PWWP3B: variants seen among roughly 807,000 people sequenced by gnomAD.
The protein encoded by PWWP3B is PWWP domain containing 3B.
In PWWP3B, 5 loss-of-function variants were observed where a neutral mutation model predicts 15.7. That is an observed-to-expected ratio of 0.32 (90% CI 0.17 to 0.67). The LOEUF is 0.67. Among genes scored for constraint, PWWP3B ranks in the 30% least tolerant of loss-of-function variants. The pLI is 0.74. For missense variants in PWWP3B, 519 were observed against 493.1 expected (o/e 1.05, Z -0.50); for synonymous variants, 203 against 179.8 (o/e 1.13, Z -1.03).
At chrX:106,190,185 C>A (rs1922831049) in intron 2 of PWWP3B, among the ~76,000 whole-genome samples, 1 of 111,546 alleles carries the variant, frequency 9.0e-6, no homozygotes. Context: ...TCCTATTTCT[C>A]CACATCCTCT....
At chrX:106,183,325 A>G (rs1922318483) in intron 2 of PWWP3B, among the ~76,000 whole-genome samples, 1 of 111,763 alleles carries the variant, frequency 8.9e-6, no homozygotes, top group Non-Finnish European at 1.9e-5. Flanking sequence ...TTAAATGTCT[A>G]ACAATATCCT....
chrX:106,194,246 A>T, intron 2 of PWWP3B, among the ~76,000 whole-genome samples: 1 of 110,489 alleles, frequency 9.1e-6, no homozygotes, highest in Non-Finnish European at 1.9e-5. Context: ...ATTTCTTTTC[A>T]TTCTTTTTTC....
rs1924120776 is a variant in PWWP3B at position 106,207,597 on chromosome X, T to C, written c.*74T>C. 1.0e-6 allele frequency: 1 copy of C among 993,562 alleles called. No individual in the cohort carries two copies. The highest frequency in any genetic ancestry group is 1.9e-5 in the African/African-American group (1 of 51,905). 81.9% of individuals were successfully genotyped at this position (993,562 alleles called of 1,213,427 possible). A position where few individuals can be genotyped will look rare whatever the true frequency, so the allele number is the denominator to read the frequency against. ...TGAAAAAAGTCTCTGAACAATTCTC[T>C]CTAATACATATTTTCTGCAAATGGG... is the stretch of plus-strand genomic sequence containing the variant. On this transcript the variant is annotated 3_prime_UTR_variant, in exon 4 of 4. Coordinates refer to ENST00000357175, the MANE Select transcript of PWWP3B (RefSeq NM_001171020.2).
rs556571750 is a variant in PWWP3B at position 106,173,656 on chromosome X, G to C, written c.-401+2517G>C. 5.9e-4 allele frequency among the ~76,000 whole-genome samples: 66 copies of C among 112,052 alleles called. 1 individual carries two copies. The South Asian group carries it at 0.024, about 41-fold the overall frequency. ...AGACGAGAACCATTTACTATCCCCA[G>C]ATAAATAGAATGAGGCTTCTTAAAA... On this transcript the variant is annotated intron_variant, in intron 2 of 3. Coordinates refer to ENST00000357175, the MANE Select transcript of PWWP3B (RefSeq NM_001171020.2).
At chrX:106,186,789 C>G (rs953084493) in intron 2 of PWWP3B, among the ~76,000 whole-genome samples, 19 of 111,261 alleles carry the variant, frequency 1.7e-4, no homozygotes, top group African/African-American at 6.2e-4. Context: ...AGCTTTTATT[C>G]CCTTATTTGT....
At chrX:106,193,724 C>A (rs928407427) in intron 2 of PWWP3B, among the ~76,000 whole-genome samples, 2 of 111,706 alleles carry the variant, frequency 1.8e-5, no homozygotes, top group Non-Finnish European at 3.8e-5. Context: ...AGCTCTTTTA[C>A]GGCAGGCCTG....
At position 106,207,557 on chromosome X, in the gene PWWP3B, C is replaced by T. The variant is rs1251464771; in HGVS notation, c.*34C>T. 3.7e-6 allele frequency: 4 copies of T among 1,092,735 alleles called. No individual in the cohort carries two copies. The African/African-American group carries it at 7.5e-5, about 21-fold the overall frequency. The allele number at this position is 1,092,735 out of a possible 1,213,427, so 90.1% of individuals were successfully genotyped here. A position where few individuals can be genotyped will look rare whatever the true frequency, so the allele number is the denominator to read the frequency against. ...AAAGTTGAAACCATGACAGGGAGCT[C>T]TCATAGATACTAGTTGAAAAAAGTC... is the stretch of plus-strand genomic sequence containing the variant. On this transcript the variant is annotated 3_prime_UTR_variant, in exon 4 of 4. Transcript: ENST00000357175.
Position 106,207,508 on chromosome X carries a change from A to C in PWWP3B, c.2076A>C (p.Thr692=), listed in dbSNP as rs1924115125. The part of the protein sequence containing the change: ...IIYEKRRKAP[T]NEAH ...ATGAAAAGAGACGAAAAGCACCAAC[A>C]AATGAAGCTCACTAAATGTGCTGAA... is the stretch of plus-strand genomic sequence containing the variant. Residue 692 remains threonine, a synonymous_variant, in exon 4 of 4, where the codon ACA becomes ACC. Coordinates refer to ENST00000357175, the MANE Select transcript of PWWP3B (RefSeq NM_001171020.2). 1 of 1,141,584 alleles carries C rather than the reference A, an allele frequency of 8.8e-7. No individual in the cohort carries two copies. Among genetic ancestry groups the C allele is most frequent in the South Asian group, 2.1e-5 (1 of 47,962 alleles). The allele number at this position is 1,141,584 out of a possible 1,213,427, so 94.1% of individuals were successfully genotyped here. A position where few individuals can be genotyped will look rare whatever the true frequency, so the allele number is the denominator to read the frequency against.
At chrX:106,180,120 A>G (rs1376439658) in intron 2 of PWWP3B, among the ~76,000 whole-genome samples, 2 of 111,509 alleles carry the variant, frequency 1.8e-5, no homozygotes, top group Non-Finnish European at 3.8e-5. Flanking sequence ...TTGGGTATAC[A>G]GGGCAGCACC....
chrX:106,206,042 G>T lies in PWWP3B; in HGVS notation c.610G>T (p.Asp204Tyr). 8.3e-7 allele frequency: 1 copy of T among 1,209,332 alleles called. No individual in the cohort carries two copies. Residue 204 changes from aspartate to tyrosine, a missense_variant, in exon 4 of 4, where the codon GAT becomes TAT. By Grantham distance (160) the Asp-to-Tyr change is radical. Transcript: ENST00000357175. ...TTTCCCTTCACTTTCGGAAGATAAT[G>T]ATGAAAAAGAGAACAAGAATAAGAT... ...ETFPSLSEDN[D>Y]EKENKNKIDI...
intron 2 of PWWP3B, among the ~76,000 whole-genome samples, chrX:106,182,836 TTAAAGA>T (rs1258268577): frequency 6.3e-5 from 7 of 111,584 alleles, no homozygotes; most frequent in African/African-American, 2.0e-4. Flanking sequence ...AGGAGCGGTG[TTAAAGA>T]TAAAGCTTAT....
Position 106,205,370 on chromosome X carries a change from C to T in PWWP3B, c.-63C>T. 1.0e-6 allele frequency: 1 copy of T among 997,262 alleles called. No individual in the cohort carries two copies. Among genetic ancestry groups the T allele is most frequent in the Non-Finnish European group, 1.3e-6 (1 of 751,331 alleles). The allele number at this position is 997,262 out of a possible 1,213,427, so 82.2% of individuals were successfully genotyped here. On this transcript the variant is annotated 5_prime_UTR_variant, in exon 4 of 4. Coordinates refer to ENST00000357175, the MANE Select transcript of PWWP3B (RefSeq NM_001171020.2). ...TTGTTTTGGGTAGAACTTGCATTAG[C>T]AGTGACAAAGATAGCCACCTCAACC...
At chrX:106,203,681 C>T (rs1194484813) in intron 2 of PWWP3B, among the ~76,000 whole-genome samples, 1 of 111,988 alleles carries the variant, frequency 8.9e-6, no homozygotes, top group Non-Finnish European at 1.9e-5. Context: ...AGCATTCAAA[C>T]AAAATCTACA....
intron 2 of PWWP3B, among the ~76,000 whole-genome samples, chrX:106,182,840 A>G (rs1922289887): frequency 9.0e-6 from 1 of 111,622 alleles, no homozygotes; most frequent in Non-Finnish European, 1.9e-5. Flanking sequence ...GCGGTGTTAA[A>G]GATAAAGCTT....
intron 2 of PWWP3B, among the ~76,000 whole-genome samples, chrX:106,185,095 C>G (rs767514577): frequency 2.7e-5 from 3 of 111,917 alleles, no homozygotes; most frequent in Non-Finnish European, 5.6e-5. Flanking sequence ...TTTGCCCTCC[C>G]TGTTACAGAA....
chrX:106,172,262 AT>A lies in PWWP3B; in HGVS notation c.-401+1124del, dbSNP rs919054194. ...GGCTACACTAAATTTATAAAAAAAAATATTTTTTTAATAATAAATTAACCTT... is the reference window on the plus strand; with the variant it reads ...GGCTACACTAAATTTATAAAAAAAAAATTTTTTTAATAATAAATTAACCTT... On this transcript the variant is annotated intron_variant, in intron 2 of 3. Coordinates refer to ENST00000357175, the MANE Select transcript of PWWP3B (RefSeq NM_001171020.2). Among the ~76,000 whole-genome samples the A allele has an allele frequency of 5.4e-5, 6 of 110,262 alleles. 1 individual carries two copies. The highest frequency in any genetic ancestry group is 9.8e-5 in the Admixed American group (1 of 10,249).
intron 2 of PWWP3B, among the ~76,000 whole-genome samples, chrX:106,200,817 G>A (rs1366847367): frequency 9.0e-6 from 1 of 111,343 alleles, no homozygotes; most frequent in East Asian, 2.8e-4. Flanking sequence ...GGAAGGCCGA[G>A]GCAGGCGGAT....
At chrX:106,194,339 C>G (rs996205418) in intron 2 of PWWP3B, among the ~76,000 whole-genome samples, 5 of 112,185 alleles carry the variant, frequency 4.5e-5, no homozygotes, top group Non-Finnish European at 9.4e-5. Flanking sequence ...ACATCGGTTA[C>G]TGAGGCTTCT....
In PWWP3B at chrX:106,205,987, G is replaced by A; in HGVS notation, c.555G>A (p.Lys185=). 8.3e-7 allele frequency: 1 copy of A among 1,209,351 alleles called. No homozygotes were observed. The highest frequency in any genetic ancestry group is 1.1e-6 in the Non-Finnish European group (1 of 894,183). Residue 185 remains lysine, a synonymous_variant, in exon 4 of 4, where the codon AAG becomes AAA. Coordinates refer to ENST00000357175, the MANE Select transcript of PWWP3B (RefSeq NM_001171020.2). The part of the protein sequence containing the change: ...VDTIPSEVET[K]SLQNSSWCET... The stretch of plus-strand genomic sequence containing the variant: ...CTATTCCAAGTGAAGTGGAAACAAA[G>A]TCATTACAAAACTCTAGCTGGTGCG...
Sources: gnomAD v4.1 joint callset for allele counts (sites outside exome capture counted in the v4.1 genomes callset) on GRCh38, gnomAD v4.1.1 for gene constraint, MANE v1.5 for transcripts, NCBI Gene and HGNC (gene_info 2026-07-23, HGNC 2026-07-21) for gene names.